The following HELQ variants were observed in gnomAD, a reference collection of about 807,000 sequenced individuals.
HELQ encodes the protein helicase, POLQ like, also known as helicase POLQ-like.
Under a neutral mutation model 111.6 loss-of-function variants are expected in HELQ, and 77 were observed. That is an observed-to-expected ratio of 0.69 (90% CI 0.57 to 0.83). HELQ has a LOEUF of 0.83. Ranked by LOEUF, HELQ falls within the 40% of genes least tolerant of loss-of-function variation. The probability of loss-of-function intolerance (pLI) is 0.00; values close to 1 mark genes in which losing one functional copy is unlikely to be tolerated. For synonymous variants in HELQ, 438 were observed against 454.7 expected, an observed-to-expected ratio of 0.96 and a Z score of 0.47; for missense variants, 1,200 against 1,288.5, an observed-to-expected ratio of 0.93 and a Z score of 1.05.
rs1429041278 is a variant in HELQ, at chr4:83,448,887, C to T, written c.1087G>A (p.Gly363Ser). The T allele has an allele frequency of 1.2e-6, 2 of 1,613,114 alleles. No individual in the cohort carries two copies. Among genetic ancestry groups the T allele is most frequent in the South Asian group, 1.1e-5 (1 of 91,036 alleles). Residue 363 changes from glycine (G) to serine (S), a missense_variant, in exon 3 of 18, where the codon GGT (glycine) becomes AGT (serine). Gly to Ser is a moderately conservative substitution (Grantham distance 56). Coordinates refer to ENST00000295488, the MANE Select transcript of HELQ (RefSeq NM_133636.5). Reference protein sequence around the residue: ...KNLIYSLPTSGGKTLVAEILM... With the variant: ...KNLIYSLPTSSGKTLVAEILM... Reference sequence around the variant, plus strand: ...ATCTCAGCCACGAGGGTTTTTCCACCACTTGTTGGCAAGGAATATATTAAA... The same window carrying T: ...ATCTCAGCCACGAGGGTTTTTCCACTACTTGTTGGCAAGGAATATATTAAA...
intron 2 of HELQ, among the ~76,000 whole-genome samples, chr4:83,449,644 A>G (rs1721241740): frequency 6.6e-6 from 1 of 152,216 alleles, no homozygotes; most frequent in Non-Finnish European, 1.5e-5. Context: ...GGATAATCTG[A>G]CAATAAAAAT....
chr4:83,450,482 C>T (rs1721301661), intron 2 of HELQ, among the ~76,000 whole-genome samples: 1 of 151,448 alleles, frequency 6.6e-6, no homozygotes, highest in Non-Finnish European at 1.5e-5. Flanking sequence ...AAAAATATTT[C>T]AAAAATACTT....
chr4:83,420,329 A>G (rs1259227427), intron 15 of HELQ, among the ~76,000 whole-genome samples: 1 of 152,212 alleles, frequency 6.6e-6, no homozygotes, highest in African/African-American at 2.4e-5. Context: ...ATACTAAATT[A>G]CAGTGGCAAT....
chr4:83,453,539 A>G lies in HELQ; in HGVS notation c.704T>C (p.Leu235Pro), dbSNP rs17006837. ...GGGTTGCTCTATGCAATTATGGGGC[A>G]GTTCCTCATTCACAGTGTTGTGAGA... ...SSSHNTVNEE[L>P]PHNCIEQPQQ... Residue 235 changes from leucine (L) to proline (P), a missense_variant, in exon 2 of 18, where the codon CTG becomes CCG. Physicochemically the swap from Leu to Pro is moderately conservative, Grantham distance 98 (BLOSUM62 -3). This residue lies in a region of HELQ where 610 missense variants were observed against 607.1 expected (regional missense o/e 1.00). Coordinates refer to ENST00000295488, the MANE Select transcript of HELQ (RefSeq NM_133636.5). The G allele has an allele frequency of 0.024, 37,948 of 1,613,578 alleles. 7,243 individuals are homozygous for G. In the African/African-American group the frequency reaches 0.43, roughly 18 times the overall value.
intron 2 of HELQ, 102 bp from the exon 3 acceptor site, chr4:83,449,063 C>T (rs965174914): frequency 3.6e-5 from 29 of 811,790 alleles, no homozygotes; most frequent in South Asian, 1.9e-5. Flanking sequence ...TGGAGCAATC[C>T]TCTCATAAGG....
rs769430267 is a variant in HELQ, at chr4:83,455,774, C to T, written c.-81G>A. The T allele has an allele frequency of 5.1e-6, 7 of 1,367,646 alleles. No individual in the cohort carries two copies. Among genetic ancestry groups the T allele is most frequent in the African/African-American group, 4.3e-5 (3 of 69,516 alleles). 84.7% of individuals were successfully genotyped at this position (1,367,646 alleles called of 1,614,324 possible). On this transcript the variant is annotated 5_prime_UTR_variant, in exon 1 of 18. Transcript: ENST00000295488. The stretch of plus-strand genomic sequence containing the variant: ...CCATATGGAAGGGAGAGTGGGACGC[C>T]GGAGCCCGCTTCTACATCCACCTTG...
intron 16 of HELQ, among the ~76,000 whole-genome samples, chr4:83,417,865 T>C (rs144634113): frequency 6.6e-6 from 1 of 151,888 alleles, no homozygotes; most frequent in African/African-American, 2.4e-5. Context: ...CTTCCTGTTA[T>C]GTTTTTTTTT....
intron 3 of HELQ, 148 bp from the exon 4 acceptor site, chr4:83,447,183 A>G (rs748841651): frequency 9.8e-5 from 57 of 579,126 alleles, no homozygotes; most frequent in Non-Finnish European, 1.5e-4. Flanking sequence ...CCTCATCTCT[A>G]TAAAAAATAA....
At position 83,455,550 on chromosome 4, in the gene HELQ, A is replaced by G. The variant is rs781005639; in HGVS notation, c.144T>C (p.Ala48=). The G allele has an allele frequency of 6.2e-7, 1 of 1,613,700 alleles. No homozygotes were observed. The highest frequency in any genetic ancestry group is 8.5e-7 in the Non-Finnish European group (1 of 1,179,628). Residue 48 remains alanine (A), a synonymous_variant, in exon 1 of 18, where the codon GCT becomes GCC. Transcript: ENST00000295488. ...DEGKEEEEMV[A]ENRRRKTAGV... ...CCGCGGTTTTCCGCCTCCTGTTCTC[A>G]GCCACCATTTCCTCCTCCTCTTTCC... is the stretch of plus-strand genomic sequence containing the variant.
At chr4:83,411,444 A>T (rs1320327707) in intron 17 of HELQ, among the ~76,000 whole-genome samples, 2 of 150,796 alleles carry the variant, frequency 1.3e-5, no homozygotes, top group Non-Finnish European at 1.5e-5. Context: ...AAATAAATTT[A>T]AAAAGGTAAT....
chr4:83,432,849 C>A (rs1289673602), intron 9 of HELQ, among the ~76,000 whole-genome samples: 1 of 151,800 alleles, frequency 6.6e-6, no homozygotes, highest in Non-Finnish European at 1.5e-5. Flanking sequence ...GAGTTTGAGA[C>A]CAGCTTGGGC....
chr4:83,416,699 T>G (rs1456125612), intron 17 of HELQ, 32 bp downstream of exon 17: 1 of 1,606,488 alleles, frequency 6.2e-7, no homozygotes, highest in Admixed American at 1.7e-5. Context: ...TACGCAAGAT[T>G]ATTAAGGTTA....
chr4:83,441,191 G>T (rs1720736985), intron 7 of HELQ, 114 bp downstream of exon 7: 1 of 652,078 alleles, frequency 1.5e-6, no homozygotes, highest in Non-Finnish European at 2.7e-6. Flanking sequence ...CAAATGTCAA[G>T]CATCAGCTGT....
In HELQ at chr4:83,421,685, T is replaced by C. The variant is rs966825378; in HGVS notation, c.2827A>G (p.Thr943Ala). ...NRLYLSFVLY[T>A]LLKETNIWTV... ...CAAATGTTGGTCTCTTTGAGCAAGG[T>C]ATAAAGAACAAAAGACAGATATAGC... The change falls in exon 15 of 18, where the codon ACC (threonine) becomes GCC (alanine). Residue 943 changes from threonine (T) to alanine (A), a missense_variant. Transcript: ENST00000295488. 1 of 1,613,482 alleles carries C rather than the reference T, an allele frequency of 6.2e-7. No homozygotes were observed. Among genetic ancestry groups the C allele is most frequent in the African/African-American group, 1.3e-5 (1 of 74,892 alleles).
At chr4:83,412,751 G>C (rs945350164) in intron 17 of HELQ, among the ~76,000 whole-genome samples, 2 of 152,106 alleles carry the variant, frequency 1.3e-5, no homozygotes, top group African/African-American at 4.8e-5. Flanking sequence ...TTGAGCCTGG[G>C]AGGGGAAGGC....
intron 1 of HELQ, 38 bp downstream of exon 1, chr4:83,455,359 C>T: frequency 6.3e-7 from 1 of 1,596,688 alleles, no homozygotes; most frequent in Non-Finnish European, 8.6e-7. Flanking sequence ...GGGAAGGATG[C>T]CAAAAGTTTG....
chr4:83,433,111 T>C (rs1720244983), intron 9 of HELQ, among the ~76,000 whole-genome samples: 1 of 152,112 alleles, frequency 6.6e-6, no homozygotes, highest in Middle Eastern at 3.4e-3. Flanking sequence ...AAGTCTATAG[T>C]CAGTTAGTCA....
chr4:83,411,056 A>G (rs575976948), intron 17 of HELQ, among the ~76,000 whole-genome samples: 139 of 148,756 alleles, frequency 9.3e-4, no homozygotes, highest in African/African-American at 3.4e-3. Context: ...GCTACTTGGG[A>G]GGCTGAAGTG....
chr4:83,442,260 ATTTTTTTTTTTTT>A (rs70949710), intron 6 of HELQ, among the ~76,000 whole-genome samples: 1 of 82,080 alleles, frequency 1.2e-5, no homozygotes, highest in African/African-American at 5.1e-5. Flanking sequence ...AAAAACATCA[ATTTTTTTTTTTTT>A]TTTTTTTTTT....
Sources: allele counts gnomAD v4.1 joint callset (sites outside exome capture counted in the v4.1 genomes callset), GRCh38; gene constraint gnomAD v4.1.1; regional missense constraint gnomAD v4.1.1; transcripts MANE v1.5; gene names NCBI Gene and HGNC (gene_info 2026-07-23, HGNC 2026-07-21).